RNF115: variants seen among roughly 807,000 people sequenced by gnomAD.
RNF115 encodes E3 ubiquitin-protein ligase RNF115.
RNF115 carries 31 observed loss-of-function variants against 39.2 expected under a neutral mutation model. The ratio of observed to expected loss-of-function variants is 0.79; its 90% CI spans 0.59 to 1.07. The LOEUF is 1.07. RNF115 is among the 50% of genes least tolerant of loss of function. The pLI, the probability that RNF115 is intolerant of heterozygous loss-of-function variation, is 0.00. For missense variants in RNF115, 384 were observed against 381.7 expected (o/e 1.01, Z -0.05); for synonymous variants, 124 against 131.0 (o/e 0.95, Z 0.37).
intron 1 of RNF115, among the ~76,000 whole-genome samples, chr1:145,812,600 C>T (rs1218823797): frequency 1.3e-5 from 2 of 151,434 alleles, no homozygotes; most frequent in African/African-American, 4.9e-5. Flanking sequence ...GCGGAGGTTG[C>T]AGTGAGCCAA....
chr1:145,808,301 C>A (rs1553721924), intron 1 of RNF115, among the ~76,000 whole-genome samples: 2 of 152,118 alleles, frequency 1.3e-5, no homozygotes, highest in Non-Finnish European at 2.9e-5. Flanking sequence ...TTTACATTCT[C>A]ATCAACAGTG....
intron 3 of RNF115, among the ~76,000 whole-genome samples, chr1:145,778,258 A>AT (rs1647968866): frequency 6.6e-6 from 1 of 152,216 alleles, no homozygotes; most frequent in African/African-American, 2.4e-5. Flanking sequence ...GATTTCATTT[A>AT]TAACAAATAT....
intron 1 of RNF115, among the ~76,000 whole-genome samples, chr1:145,792,687 T>A (rs1027410048): frequency 2.6e-5 from 4 of 151,900 alleles, no homozygotes; most frequent in Non-Finnish European, 5.9e-5. Context: ...ATTTGTCCAA[T>A]GAAAAAGGAA....
At chr1:145,814,173 T>C (rs782493327) in intron 1 of RNF115, among the ~76,000 whole-genome samples, 4,522 of 150,426 alleles carry the variant, frequency 0.03, 13 homozygotes, top group African/African-American at 0.084. Context: ...GGTGGGAGGA[T>C]TGCTTGAGCC....
At chr1:145,760,051 C>T (rs781880319) in intron 4 of RNF115, among the ~76,000 whole-genome samples, 11 of 152,156 alleles carry the variant, frequency 7.2e-5, no homozygotes, top group Non-Finnish European at 1.5e-4. Context: ...TACTTAAGCT[C>T]CACGAGGGCA....
At chr1:145,806,107 G>C (rs1210278166) in intron 1 of RNF115, among the ~76,000 whole-genome samples, 1 of 152,130 alleles carries the variant, frequency 6.6e-6, no homozygotes, top group African/African-American at 2.4e-5. Flanking sequence ...CAGCACTTTG[G>C]GAAGCTGAGG....
intron 3 of RNF115, among the ~76,000 whole-genome samples, chr1:145,782,780 G>T (rs375999835): frequency 9.2e-5 from 14 of 152,324 alleles, no homozygotes; most frequent in East Asian, 3.9e-4. Context: ...GTGACAATCT[G>T]TGTTATCACA....
chr1:145,773,811 T>C (rs1647758275), intron 3 of RNF115: 1 of 152,018 alleles, frequency 6.6e-6, no homozygotes, highest in African/African-American at 2.4e-5. Flanking sequence ...TTTCTTTTTT[T>C]GGTTTTTTTG....
At chr1:145,748,488 T>C (rs1185037323) in intron 7 of RNF115, among the ~76,000 whole-genome samples, 4 of 152,178 alleles carry the variant, frequency 2.6e-5, no homozygotes, top group African/African-American at 9.7e-5. Flanking sequence ...CAGTTGCTAC[T>C]GTGAATCTGT....
intron 1 of RNF115, among the ~76,000 whole-genome samples, chr1:145,790,298 G>T (rs1000538267): frequency 6.6e-6 from 1 of 151,204 alleles, no homozygotes; most frequent in Non-Finnish European, 1.5e-5. Context: ...GCAACACCAC[G>T]CCTGGCTAAT....
At chr1:145,807,920 C>G (rs587707367) in intron 1 of RNF115, among the ~76,000 whole-genome samples, 1 of 152,168 alleles carries the variant, frequency 6.6e-6, no homozygotes, top group East Asian at 1.9e-4. Flanking sequence ...TTAGCTCCCA[C>G]ATATGAGTGG....
intron 1 of RNF115, among the ~76,000 whole-genome samples, chr1:145,812,671 C>A (rs75027863): frequency 0.78 from 113,716 of 145,176 alleles, 43,382 homozygotes; most frequent in East Asian, 0.85. Flanking sequence ...CAAAAAAAAA[C>A]CAAAAAACAA....
At chr1:145,808,636 G>C (rs587692279) in intron 1 of RNF115, among the ~76,000 whole-genome samples, 1 of 152,286 alleles carries the variant, frequency 6.6e-6, no homozygotes, top group South Asian at 2.1e-4. Flanking sequence ...TTATTAAACA[G>C]AAAGTAAATG....
At chr1:145,815,010 C>T (rs1305508862) in intron 1 of RNF115, among the ~76,000 whole-genome samples, 1 of 152,226 alleles carries the variant, frequency 6.6e-6, no homozygotes, top group Admixed American at 6.5e-5. Context: ...TATATAGCAC[C>T]AGATAGACAT....
At chr1:145,815,203 G>A (rs1649932577) in intron 1 of RNF115, among the ~76,000 whole-genome samples, 1 of 152,300 alleles carries the variant, frequency 6.6e-6, no homozygotes. Flanking sequence ...ACCTGGTAGA[G>A]CCAAACTAGA....
In RNF115 at chr1:145,782,456, A is replaced by AAC. The variant is rs370264320; in HGVS notation, c.219+2081_219+2082dup. Among the ~76,000 whole-genome samples the AAC allele has an allele frequency of 7.3e-3, 1,108 of 151,752 alleles. 13 individuals are homozygous for AAC. Among genetic ancestry groups the AAC allele is most frequent in the African/African-American group, 0.023 (945 of 41,404 alleles). On this transcript the variant is annotated intron_variant, in intron 3 of 8. Coordinates refer to ENST00000582693, the MANE Select transcript of RNF115 (RefSeq NM_014455.4). ...GGGCAATAAGGCCCCATCTCTTAAA[A>AAC]ACACACACACACACACTTCTTAGCT... is the stretch of plus-strand genomic sequence containing the variant.
At chr1:145,748,995 C>G (rs1226711583) in intron 7 of RNF115, among the ~76,000 whole-genome samples, 1 of 152,186 alleles carries the variant, frequency 6.6e-6, no homozygotes, top group South Asian at 2.1e-4. Context: ...AAGTCGAAGT[C>G]TAGCTCAGGT....
chr1:145,819,579 G>A (rs1553724139), intron 1 of RNF115, among the ~76,000 whole-genome samples: 2 of 152,080 alleles, frequency 1.3e-5, no homozygotes, highest in African/African-American at 4.8e-5. Context: ...CCAAAAAATC[G>A]AGGAGGGACT....
At chr1:145,762,595 C>T (rs1325875741) in intron 4 of RNF115, among the ~76,000 whole-genome samples, 22 of 151,794 alleles carry the variant, frequency 1.4e-4, no homozygotes, top group African/African-American at 5.3e-4. Flanking sequence ...AAAAGGTCTA[C>T]AAGATTATAC....
Sources: gnomAD v4.1 joint callset for allele counts (sites outside exome capture counted in the v4.1 genomes callset) on GRCh38, gnomAD v4.1.1 for gene constraint, MANE v1.5 for transcripts, NCBI Gene and HGNC (gene_info 2026-07-23, HGNC 2026-07-21) for gene names.